Variants in PLEKHA5 observed in about 807,000 individuals in gnomAD.
PLEKHA5 encodes the protein pleckstrin homology domain containing A5.
PLEKHA5 carries 55 observed loss-of-function variants against 181.9 expected under a neutral mutation model. That is an observed-to-expected ratio of 0.30 (90% CI 0.24 to 0.38). PLEKHA5 has a LOEUF of 0.38. Among genes scored for constraint, PLEKHA5 ranks in the 10% least tolerant of loss-of-function variants. PLEKHA5 has a pLI of 1.00. For synonymous variants in PLEKHA5, 535 were observed against 529.4 expected (o/e 1.01, Z -0.15); for missense variants, 1,432 against 1,549.5 (o/e 0.92, Z 1.27).
chr12:19,180,807 T>A (rs1017298899), intron 3 of PLEKHA5, among the ~76,000 whole-genome samples: 10 of 126,950 alleles, frequency 7.9e-5, no homozygotes, highest in East Asian at 2.2e-4. Context: ...TTTTTTTTTT[T>A]AAACTGTATT....
intron 3 of PLEKHA5, chr12:19,150,991 A>G (rs1401605717): frequency 6.6e-6 from 1 of 152,240 alleles, no homozygotes; most frequent in Non-Finnish European, 1.5e-5. Flanking sequence ...GTAGTTAAAC[A>G]TGTATACTGC....
At position 19,322,389 on chromosome 12, in the gene PLEKHA5, A is replaced by G. The variant is rs1335923712; in HGVS notation, c.2297A>G (p.Lys766Arg). ...EEKLQQLHKEKYTLEQALLSA... is the reference protein window; with the variant it reads ...EEKLQQLHKERYTLEQALLSA... Reference sequence around the variant, plus strand: ...AAACTTCAGCAACTCCACAAGGAGAAAGTAGGACAATTATGTTTATTGTCT... The same window carrying G: ...AAACTTCAGCAACTCCACAAGGAGAGAGTAGGACAATTATGTTTATTGTCT... The change falls in exon 19 of 32, where the codon AAA (lysine) becomes AGA (arginine). Residue 766 changes from lysine (K) to arginine (R), a missense_variant and splice_region_variant. By Grantham distance (26) the Lys-to-Arg change is conservative (BLOSUM62 2). This residue lies in a region of PLEKHA5 where 1,143 missense variants were observed against 1,168.4 expected (regional missense o/e 0.98). Transcript: ENST00000429027. 1 of 1,606,390 alleles carries G rather than the reference A, an allele frequency of 6.2e-7. No individual in the cohort carries two copies. The highest frequency in any genetic ancestry group is 8.5e-7 in the Non-Finnish European group (1 of 1,173,066).
At chr12:19,173,347 T>A (rs2046439794) in intron 3 of PLEKHA5, among the ~76,000 whole-genome samples, 1 of 152,036 alleles carries the variant, frequency 6.6e-6, no homozygotes, top group African/African-American at 2.4e-5. Flanking sequence ...CTTGTATGCA[T>A]ACACCCATAC....
intron 3 of PLEKHA5, chr12:19,153,775 A>G (rs2041030899): frequency 6.6e-6 from 1 of 152,162 alleles, no homozygotes; most frequent in African/African-American, 2.4e-5. Context: ...TTGATACTTC[A>G]TTTAAGACTT....
chr12:19,314,565 A>T (rs1565605901), intron 15 of PLEKHA5, among the ~76,000 whole-genome samples: 1 of 152,126 alleles, frequency 6.6e-6, no homozygotes, highest in Non-Finnish European at 1.5e-5. Context: ...TATCATGATT[A>T]TATGTATGAA....
intron 10 of PLEKHA5, among the ~76,000 whole-genome samples, chr12:19,272,946 G>A (rs900318767): frequency 1.3e-5 from 2 of 152,008 alleles, no homozygotes; most frequent in Admixed American, 6.6e-5. Flanking sequence ...TCGCTCTGTC[G>A]CCCAGGCTGG....
At chr12:19,261,448 CA>C (rs911297611) in intron 7 of PLEKHA5, among the ~76,000 whole-genome samples, 1 of 152,122 alleles carries the variant, frequency 6.6e-6, no homozygotes, top group African/African-American at 2.4e-5. Context: ...AAGTGAAATA[CA>C]AATTTCATTT....
chr12:19,156,956 G>T (rs2041892370), intron 3 of PLEKHA5, among the ~76,000 whole-genome samples: 1 of 151,812 alleles, frequency 6.6e-6, no homozygotes, highest in African/African-American at 2.4e-5. Context: ...CTACTTGGGG[G>T]GCTGAGGCAG....
intron 14 of PLEKHA5, 71 bp from the exon 15 acceptor site, chr12:19,291,573 C>T: frequency 1.1e-6 from 1 of 898,976 alleles, no homozygotes. Context: ...TTTTCTTATT[C>T]CAAAATTGAC....
intron 3 of PLEKHA5, among the ~76,000 whole-genome samples, chr12:19,196,023 G>A (rs2052631851): frequency 6.6e-6 from 1 of 152,142 alleles, no homozygotes; most frequent in African/African-American, 2.4e-5. Flanking sequence ...TGAGATGATT[G>A]AAGTGTATCT....
intron 15 of PLEKHA5, chr12:19,306,917 C>CAA (rs2083989121): frequency 2.4e-6 from 2 of 845,490 alleles, no homozygotes; most frequent in Non-Finnish European, 3.9e-6. Context: ...CCAGCTAATG[C>CAA]AATGGCAGGT....
intron 3 of PLEKHA5, among the ~76,000 whole-genome samples, chr12:19,140,157 G>A (rs1177897912): frequency 6.6e-6 from 1 of 152,160 alleles, no homozygotes; most frequent in Non-Finnish European, 1.5e-5. Context: ...CTGCCCGTCT[G>A]GGGAGTGGGA....
intron 3 of PLEKHA5, among the ~76,000 whole-genome samples, chr12:19,170,639 C>T (rs2045677885): frequency 1.3e-5 from 2 of 152,172 alleles, no homozygotes; most frequent in African/African-American, 4.8e-5. Context: ...AGGATAGTCT[C>T]GATCTCTTGA....
chr12:19,235,721 G>C (rs2061318475), intron 3 of PLEKHA5, among the ~76,000 whole-genome samples: 1 of 152,124 alleles, frequency 6.6e-6, no homozygotes, highest in South Asian at 2.1e-4. Context: ...CCTTTAAGCT[G>C]TACTGCTTTC....
At chr12:19,233,312 A>G (rs906968184) in intron 3 of PLEKHA5, among the ~76,000 whole-genome samples, 1 of 152,102 alleles carries the variant, frequency 6.6e-6, no homozygotes, top group Admixed American at 6.6e-5. Flanking sequence ...CTTTTCTCGT[A>G]CTAGTATTTT....
At chr12:19,325,955 C>T (rs1048035626) in intron 20 of PLEKHA5, among the ~76,000 whole-genome samples, 2 of 151,734 alleles carry the variant, frequency 1.3e-5, no homozygotes, top group South Asian at 2.1e-4. Context: ...TGCGGTAAGC[C>T]GAGATCACGC....
chr12:19,374,094 T>C (rs1023772500), intron 31 of PLEKHA5, among the ~76,000 whole-genome samples: 10 of 152,334 alleles, frequency 6.6e-5, no homozygotes, highest in African/African-American at 2.2e-4. Context: ...GCCATCTTTC[T>C]GAACTAGTGG....
intron 29 of PLEKHA5, among the ~76,000 whole-genome samples, chr12:19,362,014 A>AG (rs2095258189): frequency 6.6e-6 from 1 of 151,482 alleles, no homozygotes; most frequent in African/African-American, 2.4e-5. Flanking sequence ...CTGAAAAAAA[A>AG]AATTAGCCAG....
chr12:19,292,118 G>A (rs182797153), intron 15 of PLEKHA5, among the ~76,000 whole-genome samples: 36 of 152,292 alleles, frequency 2.4e-4, no homozygotes, highest in African/African-American at 8.2e-4. Context: ...AAAGGTGGGT[G>A]AAGTTGGCTG....
Sources: allele counts gnomAD v4.1 joint callset (sites outside exome capture counted in the v4.1 genomes callset), GRCh38; gene constraint gnomAD v4.1.1; regional missense constraint gnomAD v4.1.1; transcripts MANE v1.5; gene names NCBI Gene and HGNC (gene_info 2026-07-23, HGNC 2026-07-21).